NAV2: variants seen among roughly 807,000 people sequenced by gnomAD.
The protein encoded by NAV2 is neuron navigator 2, also known as helicase, APC down-regulated 1.
Under a neutral mutation model 223.2 loss-of-function variants are expected in NAV2, and 54 were observed. That is an observed-to-expected ratio of 0.24 (90% CI 0.19 to 0.30). The LOEUF (loss-of-function observed/expected upper bound fraction) is 0.30, where lower values mean the gene tolerates loss of function less well. Among genes scored for constraint, NAV2 ranks in the 10% least tolerant of loss-of-function variants. NAV2 has a pLI of 1.00. For synonymous variants in NAV2, 1,279 were observed against 1,239.3 expected (o/e 1.03, Z -0.67); for missense variants, 2,806 against 3,147.5 (o/e 0.89, Z 2.60).
intron 1 of NAV2, among the ~76,000 whole-genome samples, chr11:19,405,994 A>T (rs945988481): frequency 2.6e-5 from 4 of 152,210 alleles, no homozygotes; most frequent in South Asian, 2.1e-4. Context: ...GAAGCATGGC[A>T]TTGGTCGGTG....
intron 1 of NAV2, among the ~76,000 whole-genome samples, chr11:19,576,653 T>C (rs1273873664): frequency 1.3e-5 from 2 of 152,220 alleles, no homozygotes; most frequent in African/African-American, 4.8e-5. Context: ...TTCCGGTGCC[T>C]GGAAATTTCA....
chr11:20,067,431 A>AT (rs377092650), intron 20 of NAV2, among the ~76,000 whole-genome samples: 3 of 151,896 alleles, frequency 2.0e-5, no homozygotes, highest in South Asian at 4.2e-4. Flanking sequence ...TAACAACAAA[A>AT]TTTTTTTTAG....
intron 1 of NAV2, among the ~76,000 whole-genome samples, chr11:19,817,192 C>G (rs181462007): frequency 8.5e-5 from 13 of 152,282 alleles, no homozygotes; most frequent in Admixed American, 2.0e-4. Context: ...CTCACCTGCC[C>G]TGGTCTGAAT....
chr11:19,643,120 T>C (rs1178816905), intron 1 of NAV2, among the ~76,000 whole-genome samples: 1 of 152,126 alleles, frequency 6.6e-6, no homozygotes, highest in Non-Finnish European at 1.5e-5. Context: ...CTATACACAA[T>C]TATATATATA....
At chr11:20,031,962 T>C (rs997281402) in intron 11 of NAV2, among the ~76,000 whole-genome samples, 3 of 152,216 alleles carry the variant, frequency 2.0e-5, no homozygotes, top group Admixed American at 6.5e-5. Flanking sequence ...CTGGTGGAAC[T>C]GGTTTTCCTC....
At chr11:19,796,655 C>T (rs1398398215) in intron 1 of NAV2, among the ~76,000 whole-genome samples, 2 of 152,210 alleles carry the variant, frequency 1.3e-5, no homozygotes, top group Non-Finnish European at 2.9e-5. Flanking sequence ...CACCACCTCT[C>T]TGTGGAGGGA....
chr11:19,776,437 C>T (rs1271262527), intron 1 of NAV2, among the ~76,000 whole-genome samples: 1 of 152,194 alleles, frequency 6.6e-6, no homozygotes, highest in African/African-American at 2.4e-5. Context: ...GCTGCCTGAC[C>T]TCTCCTCCTC....
At chr11:19,603,412 G>A (rs1565092108) in intron 1 of NAV2, among the ~76,000 whole-genome samples, 1 of 152,072 alleles carries the variant, frequency 6.6e-6, no homozygotes, top group Admixed American at 6.5e-5. Context: ...TGGATCACGA[G>A]GTCAGGAGAT....
At chr11:19,432,464 G>T (rs1851070616) in intron 1 of NAV2, among the ~76,000 whole-genome samples, 1 of 152,226 alleles carries the variant, frequency 6.6e-6, no homozygotes, top group South Asian at 2.1e-4. Context: ...CCCTGTGGAA[G>T]TGTTGAATTT....
intron 3 of NAV2, among the ~76,000 whole-genome samples, chr11:19,863,971 C>T (rs2061945235): frequency 1.3e-5 from 2 of 152,204 alleles, no homozygotes; most frequent in African/African-American, 4.8e-5. Flanking sequence ...GAGGGTCCCA[C>T]ACACTTCTGG....
rs1194576327 is a variant in NAV2 at position 20,068,058 on chromosome 11, A to G, written c.4885-128A>G. On this transcript the variant is annotated intron_variant, in intron 20 of 37. Transcript: ENST00000349880. The stretch of plus-strand genomic sequence containing the variant: ...ATTGAACCAGTTTTTCCAGAGAAAT[A>G]CACCAGAAAAGAAACTAATAATTCT... The G allele has an allele frequency of 7.0e-6, 6 of 852,550 alleles. No individual in the cohort carries two copies. In the Admixed American group the frequency reaches 1.4e-4, roughly 19 times the overall value. 52.8% of individuals were successfully genotyped at this position (852,550 alleles called of 1,614,324 possible).
chr11:19,717,938 G>C (rs2050436150), intron 1 of NAV2, among the ~76,000 whole-genome samples: 1 of 152,176 alleles, frequency 6.6e-6, no homozygotes, highest in Non-Finnish European at 1.5e-5. Flanking sequence ...AGTGTGAAAA[G>C]ACCTAACTTA....
intron 10 of NAV2, among the ~76,000 whole-genome samples, chr11:19,960,239 C>T (rs1249592907): frequency 6.6e-6 from 1 of 152,152 alleles, no homozygotes; most frequent in Non-Finnish European, 1.5e-5. Context: ...CATGAGCTCA[C>T]ACTTAGTGAA....
intron 1 of NAV2, among the ~76,000 whole-genome samples, chr11:19,667,854 C>G (rs1284873323): frequency 6.6e-6 from 1 of 152,234 alleles, no homozygotes. Flanking sequence ...CAACATAACT[C>G]AAGTCCTTTA....
At chr11:19,885,566 G>C (rs1390165058) in intron 5 of NAV2, among the ~76,000 whole-genome samples, 3 of 152,030 alleles carry the variant, frequency 2.0e-5, no homozygotes, top group Non-Finnish European at 1.5e-5. Flanking sequence ...TTCTTATTGA[G>C]TATTGAGTCA....
intron 11 of NAV2, chr11:20,023,063 C>T: frequency 6.4e-7 from 1 of 1,551,316 alleles, no homozygotes; most frequent in South Asian, 1.2e-5. Flanking sequence ...GAGATTCATT[C>T]AGCTTCTTTG....
intron 1 of NAV2, among the ~76,000 whole-genome samples, chr11:19,449,658 T>C (rs1851719009): frequency 6.6e-6 from 1 of 152,028 alleles, no homozygotes; most frequent in Non-Finnish European, 1.5e-5. Context: ...GGGGTGCTTT[T>C]GTGACTTCCT....
chr11:19,596,257 C>A (rs1466259284), intron 1 of NAV2, among the ~76,000 whole-genome samples: 1 of 152,166 alleles, frequency 6.6e-6, no homozygotes, highest in African/African-American at 2.4e-5. Flanking sequence ...TGAGCTGCTA[C>A]CTTCTAGGCT....
chr11:19,803,387 G>A (rs1413017792), intron 1 of NAV2, among the ~76,000 whole-genome samples: 1 of 152,150 alleles, frequency 6.6e-6, no homozygotes, highest in East Asian at 1.9e-4. Flanking sequence ...CACTGCAGAG[G>A]TTACCTTGGG....
Sources: gnomAD v4.1 joint callset for allele counts (sites outside exome capture counted in the v4.1 genomes callset) on GRCh38, gnomAD v4.1.1 for gene constraint, MANE v1.5 for transcripts, NCBI Gene and HGNC (gene_info 2026-07-23, HGNC 2026-07-21) for gene names.